Variants in C12orf42 observed in about 807,000 individuals in gnomAD.
C12orf42 encodes the protein uncharacterized protein C12orf42.
C12orf42 carries 25 observed loss-of-function variants against 21.6 expected under a neutral mutation model. That is an observed-to-expected ratio of 1.16 (90% CI 0.84 to 1.62). The LOEUF (loss-of-function observed/expected upper bound fraction) is 1.62, where lower values mean the gene tolerates loss of function less well. Among genes scored for constraint, C12orf42 ranks in the 40% most tolerant of loss-of-function variants. The probability of loss-of-function intolerance (pLI) is 0.00; values close to 1 mark genes in which losing one functional copy is unlikely to be tolerated. For synonymous variants in C12orf42, 174 were observed against 175.0 expected, an observed-to-expected ratio of 0.99 and a Z score of 0.05; for missense variants, 483 against 459.3, an observed-to-expected ratio of 1.05 and a Z score of -0.47.
chr12:103,475,974 G>C (rs1268679123), intron 2 of C12orf42, among the ~76,000 whole-genome samples: 1 of 152,120 alleles, frequency 6.6e-6, no homozygotes, highest in Non-Finnish European at 1.5e-5. Flanking sequence ...TCCAGCCCTA[G>C]ACCCTCAAGT....
chr12:103,431,622 A>G (rs1950271981), intron 2 of C12orf42, among the ~76,000 whole-genome samples: 1 of 152,228 alleles, frequency 6.6e-6, no homozygotes, highest in African/African-American at 2.4e-5. Context: ...AAATGAGACA[A>G]TATACACATA....
chr12:103,063,959 G>T, the C12orf42 span, among the ~76,000 whole-genome samples: 1 of 148,890 alleles, frequency 6.7e-6, no homozygotes, highest in African/African-American at 2.4e-5. Context: ...AGTTAAAAAG[G>T]TTCTAATAGT....
the C12orf42 span, among the ~76,000 whole-genome samples, chr12:103,214,963 A>G: frequency 6.6e-6 from 1 of 152,344 alleles, no homozygotes; most frequent in Non-Finnish European, 1.5e-5. Context: ...GTTCCCAGGA[A>G]TAAATCTACT....
At chr12:103,156,493 C>T in the C12orf42 span, among the ~76,000 whole-genome samples, 3 of 151,934 alleles carry the variant, frequency 2.0e-5, no homozygotes, top group Admixed American at 2.0e-4. Context: ...ATATTACACT[C>T]CAATAAAAAG....
intron 6 of C12orf42, among the ~76,000 whole-genome samples, chr12:103,269,210 T>C (rs2035319336): frequency 6.6e-6 from 1 of 152,162 alleles, no homozygotes; most frequent in Admixed American, 6.5e-5. Flanking sequence ...AAATATTCTA[T>C]TACATCTGCT....
chr12:103,429,621 T>A (rs2139301863), intron 2 of C12orf42, among the ~76,000 whole-genome samples: 1 of 152,258 alleles, frequency 6.6e-6, no homozygotes, highest in Non-Finnish European at 1.5e-5. Context: ...AAAAACTACT[T>A]TAAATTTTAT....
chr12:103,069,246 G>T, the C12orf42 span, among the ~76,000 whole-genome samples: 6 of 148,680 alleles, frequency 4.0e-5, no homozygotes, highest in African/African-American at 1.5e-4. Context: ...ATTCTCTTTT[G>T]TAATTTCTTT....
the C12orf42 span, among the ~76,000 whole-genome samples, chr12:103,185,753 C>T: frequency 2.0e-5 from 3 of 152,146 alleles, no homozygotes; most frequent in African/African-American, 7.2e-5. Context: ...GGGGTTTCTG[C>T]TTTTGCATCT....
chr12:103,110,085 T>C, the C12orf42 span, among the ~76,000 whole-genome samples: 1,913 of 152,280 alleles, frequency 0.013, 46 homozygotes, highest in African/African-American at 0.043. Flanking sequence ...TTTGATGGTG[T>C]TCAGTGTCAA....
chr12:103,360,398 C>T (rs2043989112), intron 4 of C12orf42, among the ~76,000 whole-genome samples: 1 of 151,802 alleles, frequency 6.6e-6, no homozygotes, highest in Non-Finnish European at 1.5e-5. Flanking sequence ...TGGAGGGTTC[C>T]TATTGTCTTC....
At chr12:103,402,223 A>G (rs913535818) in intron 2 of C12orf42, among the ~76,000 whole-genome samples, 1 of 152,224 alleles carries the variant, frequency 6.6e-6, no homozygotes, top group Non-Finnish European at 1.5e-5. Context: ...ACAAATCTAC[A>G]ATACGTGCAA....
chr12:103,539,437 C>T, the C12orf42 span, among the ~76,000 whole-genome samples: 4 of 152,128 alleles, frequency 2.6e-5, no homozygotes, highest in African/African-American at 9.7e-5. Context: ...CAAGCTACAT[C>T]TACCTGTGTG....
intron 2 of C12orf42, among the ~76,000 whole-genome samples, chr12:103,462,904 T>G (rs1376768094): frequency 6.6e-6 from 1 of 152,202 alleles, no homozygotes; most frequent in African/African-American, 2.4e-5. Flanking sequence ...ATCACAGCAA[T>G]GACTAAGAGC....
At chr12:103,055,016 T>G in the C12orf42 span, among the ~76,000 whole-genome samples, 2 of 151,892 alleles carry the variant, frequency 1.3e-5, no homozygotes, top group Non-Finnish European at 2.9e-5. Flanking sequence ...TAAGGGCTAT[T>G]GGTCTATAGT....
At chr12:103,164,121 C>T in the C12orf42 span, among the ~76,000 whole-genome samples, 19 of 152,184 alleles carry the variant, frequency 1.2e-4, no homozygotes, top group African/African-American at 4.3e-4. Flanking sequence ...CCCAATGTAT[C>T]GTTTCTCTTC....
chr12:103,158,520 T>A, the C12orf42 span, among the ~76,000 whole-genome samples: 1 of 152,166 alleles, frequency 6.6e-6, no homozygotes, highest in Non-Finnish European at 1.5e-5. Context: ...AGTACTTAGA[T>A]AGAGCTTGAA....
chr12:103,541,616 A>G, the C12orf42 span, among the ~76,000 whole-genome samples: 9 of 152,188 alleles, frequency 5.9e-5, no homozygotes, highest in African/African-American at 2.4e-5. Context: ...TTTATTTGCT[A>G]TGCTATGTTT....
At chr12:103,463,579 C>T (rs1565870359) in intron 2 of C12orf42, among the ~76,000 whole-genome samples, 1 of 152,100 alleles carries the variant, frequency 6.6e-6, no homozygotes, top group Non-Finnish European at 1.5e-5. Context: ...ATCCATAGTA[C>T]CTCATGAGTA....
intron 3 of C12orf42, among the ~76,000 whole-genome samples, chr12:103,372,204 C>T (rs2045308061): frequency 6.6e-6 from 1 of 152,098 alleles, no homozygotes; most frequent in African/African-American, 2.4e-5. Flanking sequence ...TCATCCACAT[C>T]CCTGCTTGCA....
Sources: allele counts gnomAD v4.1 joint callset (sites outside exome capture counted in the v4.1 genomes callset), GRCh38; gene constraint gnomAD v4.1.1; transcripts MANE v1.5; gene names NCBI Gene and HGNC (gene_info 2026-07-23, HGNC 2026-07-21).